Variants in ST6GALNAC3 observed in about 807,000 individuals in gnomAD.
The protein encoded by ST6GALNAC3 is ST6 N-acetylgalactosaminide alpha-2,6-sialyltransferase 3.
In ST6GALNAC3, 25 loss-of-function variants were observed where a neutral mutation model predicts 32.7. The observed-to-expected ratio is 0.76, with a 90% CI of 0.56 to 1.07. The LOEUF (loss-of-function observed/expected upper bound fraction) is 1.07. ST6GALNAC3 is among the 50% of genes least tolerant of loss of function. The pLI is 0.00. For missense variants in ST6GALNAC3, 355 were observed against 382.4 expected (o/e 0.93, Z 0.60); for synonymous variants, 129 against 133.1 (o/e 0.97, Z 0.21).
chr1:76,622,284 A>T (rs341021), intron 3 of ST6GALNAC3, among the ~76,000 whole-genome samples: 1 of 151,768 alleles, frequency 6.6e-6, no homozygotes, highest in African/African-American at 2.4e-5. Context: ...ACATTCCCCC[A>T]TTGCAGGCTA....
intron 3 of ST6GALNAC3, among the ~76,000 whole-genome samples, chr1:76,617,918 G>A (rs1048961970): frequency 6.6e-6 from 1 of 152,128 alleles, no homozygotes. Context: ...GAAAATTAAT[G>A]CATATATCCT....
chr1:76,405,961 C>T (rs1169965025), intron 2 of ST6GALNAC3, among the ~76,000 whole-genome samples: 3 of 152,074 alleles, frequency 2.0e-5, no homozygotes, highest in African/African-American at 7.2e-5. Context: ...CCCCACCCTA[C>T]AGTATCAGAG....
At chr1:76,170,264 G>T (rs1652399845) in intron 1 of ST6GALNAC3, among the ~76,000 whole-genome samples, 1 of 152,182 alleles carries the variant, frequency 6.6e-6, no homozygotes, top group South Asian at 2.1e-4. Context: ...AGGTGTCGGG[G>T]TGCCTGCCTC....
chr1:76,388,801 T>G (rs1652295731), intron 2 of ST6GALNAC3, among the ~76,000 whole-genome samples: 1 of 152,160 alleles, frequency 6.6e-6, no homozygotes, highest in Non-Finnish European at 1.5e-5. Flanking sequence ...TGTATAATTC[T>G]GCAGGTCCAA....
chr1:76,161,369 C>T (rs3011997), intron 1 of ST6GALNAC3, among the ~76,000 whole-genome samples: 19,574 of 152,180 alleles, frequency 0.13, 1,628 homozygotes, highest in Non-Finnish European at 0.19. Flanking sequence ...TTCGATTTGT[C>T]GGAGGTACAG....
At chr1:76,313,705 C>A (rs571955062) in intron 1 of ST6GALNAC3, 100 bp from the exon 2 acceptor site, 2 of 1,200,160 alleles carry the variant, frequency 1.7e-6, no homozygotes, top group South Asian at 1.2e-5. Context: ...ATCCTTCGAC[C>A]CCTATGAAAG....
intron 1 of ST6GALNAC3, among the ~76,000 whole-genome samples, chr1:76,253,218 A>G (rs907154460): frequency 6.6e-6 from 1 of 152,102 alleles, no homozygotes; most frequent in Non-Finnish European, 1.5e-5. Context: ...GACTCCCATG[A>G]TTAGGATTAT....
chr1:76,564,925 G>C (rs928943621), intron 3 of ST6GALNAC3, among the ~76,000 whole-genome samples: 5 of 152,036 alleles, frequency 3.3e-5, no homozygotes, highest in African/African-American at 1.2e-4. Context: ...CTTCCTCCTA[G>C]GTGGCAGAAA....
At chr1:76,460,886 G>T (rs1658234196) in intron 3 of ST6GALNAC3, among the ~76,000 whole-genome samples, 1 of 152,140 alleles carries the variant, frequency 6.6e-6, no homozygotes, top group Admixed American at 6.5e-5. Flanking sequence ...TGACTATGTG[G>T]GAGACTAAGA....
Position 76,633,383 on chromosome 1 carries a change from C to G in ST6GALNAC3, c.*4577C>G, listed in dbSNP as rs1004481360. 6.6e-6 allele frequency: 1 copy of G among 152,148 alleles called. No homozygotes were observed. The highest frequency in any genetic ancestry group is 2.4e-5 in the African/African-American group (1 of 41,432). The allele number at this position is 152,148 out of a possible 1,614,324, so 9.4% of individuals were successfully genotyped here. A position where few individuals can be genotyped will look rare whatever the true frequency, so the allele number is the denominator to read the frequency against. On this transcript the variant is annotated 3_prime_UTR_variant, in exon 5 of 5. Coordinates refer to ENST00000328299, the MANE Select transcript of ST6GALNAC3 (RefSeq NM_152996.4). ...TATTTTCATAATTGAAGGAACATAT[C>G]CCATTGATTGTCTACACTTTCTTCT...
At chr1:76,470,642 AG>A (rs1213022775) in intron 3 of ST6GALNAC3, among the ~76,000 whole-genome samples, 3 of 151,798 alleles carry the variant, frequency 2.0e-5, no homozygotes, top group Admixed American at 1.3e-4. Context: ...CAAATCCAAT[AG>A]GGGGGAAAAA....
At chr1:76,481,533 A>T (rs1312629343) in intron 3 of ST6GALNAC3, among the ~76,000 whole-genome samples, 1 of 152,192 alleles carries the variant, frequency 6.6e-6, no homozygotes, top group African/African-American at 2.4e-5. Flanking sequence ...TCTTTGGTTC[A>T]GCTCCACATT....
chr1:76,176,463 A>G (rs1339375933), intron 1 of ST6GALNAC3, among the ~76,000 whole-genome samples: 1 of 152,224 alleles, frequency 6.6e-6, no homozygotes, highest in African/African-American at 2.4e-5. Flanking sequence ...ATGCTTGTGA[A>G]AACAATTCTA....
At chr1:76,598,111 G>T (rs1221253799) in intron 3 of ST6GALNAC3, among the ~76,000 whole-genome samples, 2 of 152,064 alleles carry the variant, frequency 1.3e-5, no homozygotes, top group African/African-American at 4.8e-5. Flanking sequence ...TTCTTGCTGT[G>T]CCCTTCCATG....
At chr1:76,248,731 T>A (rs1021092412) in intron 1 of ST6GALNAC3, among the ~76,000 whole-genome samples, 5 of 152,088 alleles carry the variant, frequency 3.3e-5, no homozygotes, top group Admixed American at 2.6e-4. Context: ...TTTTACCTCT[T>A]CCCTCTTCTA....
chr1:76,328,198 C>T (rs1647116614), intron 2 of ST6GALNAC3, among the ~76,000 whole-genome samples: 1 of 152,176 alleles, frequency 6.6e-6, no homozygotes, highest in African/African-American at 2.4e-5. Context: ...TATGCTGATA[C>T]ATTATTCTTC....
intron 2 of ST6GALNAC3, among the ~76,000 whole-genome samples, chr1:76,337,055 C>G (rs1267352205): frequency 2.0e-5 from 3 of 152,208 alleles, no homozygotes; most frequent in African/African-American, 7.2e-5. Context: ...CACTCAGCCC[C>G]AATTATTCGA....
chr1:76,138,011 A>G (rs891962837), intron 1 of ST6GALNAC3, among the ~76,000 whole-genome samples: 5 of 152,202 alleles, frequency 3.3e-5, no homozygotes, highest in Non-Finnish European at 7.3e-5. Context: ...ACTTCGCTCT[A>G]TATTCAGCCA....
intron 3 of ST6GALNAC3, among the ~76,000 whole-genome samples, chr1:76,481,319 A>G (rs1659707125): frequency 6.6e-6 from 1 of 152,198 alleles, no homozygotes; most frequent in South Asian, 2.1e-4. Flanking sequence ...GTCTGAAAGA[A>G]AAGTACAAAT....
Sources: allele counts gnomAD v4.1 joint callset (sites outside exome capture counted in the v4.1 genomes callset), GRCh38; gene constraint gnomAD v4.1.1; transcripts MANE v1.5; gene names NCBI Gene and HGNC (gene_info 2026-07-23, HGNC 2026-07-21).